The following SLC22A3 variants were observed in gnomAD, a reference collection of about 807,000 sequenced individuals.
SLC22A3 encodes the protein solute carrier family 22 member 3.
SLC22A3 carries 51 observed loss-of-function variants against 59.1 expected under a neutral mutation model. The observed-to-expected ratio is 0.86, with a 90% CI of 0.69 to 1.09. The LOEUF (loss-of-function observed/expected upper bound fraction) is 1.09. SLC22A3 is among the 50% of genes least tolerant of loss of function. The pLI is 0.00. For synonymous variants in SLC22A3, 325 were observed against 292.0 expected (o/e 1.11, Z -1.15); for missense variants, 711 against 726.3 (o/e 0.98, Z 0.24).
intron 1 of SLC22A3, among the ~76,000 whole-genome samples, chr6:160,368,379 G>T (rs1055120345): frequency 1.1e-4 from 16 of 151,992 alleles, no homozygotes; most frequent in African/African-American, 3.9e-4. Context: ...GGCTTCTCAG[G>T]TGATTTCCAC....
At chr6:160,396,878 T>C (rs905270177) in intron 1 of SLC22A3, among the ~76,000 whole-genome samples, 1 of 152,180 alleles carries the variant, frequency 6.6e-6, no homozygotes, top group Non-Finnish European at 1.5e-5. Flanking sequence ...ATGTAACTTA[T>C]TGTACATAGA....
intron 5 of SLC22A3, among the ~76,000 whole-genome samples, chr6:160,423,785 G>A (rs1021398980): frequency 4.0e-4 from 61 of 152,266 alleles, no homozygotes; most frequent in African/African-American, 1.4e-3. Flanking sequence ...TGTTCACTCT[G>A]ATTGTAGTTT....
chr6:160,404,084 CAAGTA>C (rs1297817168), intron 2 of SLC22A3, among the ~76,000 whole-genome samples: 1 of 151,258 alleles, frequency 6.6e-6, no homozygotes, highest in Non-Finnish European at 1.5e-5. Flanking sequence ...ATAAATAAGA[CAAGTA>C]AAGAAAATAA....
intron 1 of SLC22A3, among the ~76,000 whole-genome samples, chr6:160,370,697 C>T (rs556348241): frequency 6.6e-6 from 1 of 152,280 alleles, no homozygotes; most frequent in South Asian, 2.1e-4. Context: ...TCAGTCCAGG[C>T]TTCCTAAAAA....
intron 1 of SLC22A3, among the ~76,000 whole-genome samples, chr6:160,367,233 A>G (rs1026599432): frequency 1.3e-4 from 20 of 152,126 alleles, no homozygotes; most frequent in African/African-American, 3.9e-4. Context: ...CCTTCATCAC[A>G]TGGTGGCAGC....
At chr6:160,355,011 C>T (rs1011257644) in intron 1 of SLC22A3, among the ~76,000 whole-genome samples, 5 of 152,184 alleles carry the variant, frequency 3.3e-5, no homozygotes, top group Admixed American at 1.3e-4. Context: ...AACTCTTACA[C>T]GGAAGGATAT....
intron 1 of SLC22A3, among the ~76,000 whole-genome samples, chr6:160,375,854 G>A (rs1474539312): frequency 2.0e-5 from 3 of 152,034 alleles, no homozygotes; most frequent in Admixed American, 6.6e-5. Flanking sequence ...TATGGACCCA[G>A]GAGTCAGAGG....
chr6:160,447,696 A>G (rs1161292652), intron 9 of SLC22A3, 23 bp from the exon 10 acceptor site: 2 of 1,604,982 alleles, frequency 1.2e-6, no homozygotes, highest in African/African-American at 2.7e-5. Context: ...CTGGAGCGGT[A>G]ACACCTTTCC....
intron 1 of SLC22A3, among the ~76,000 whole-genome samples, chr6:160,355,499 C>T (rs938184783): frequency 5.3e-5 from 8 of 152,022 alleles, no homozygotes; most frequent in South Asian, 2.1e-4. Flanking sequence ...CGGTGGCTCA[C>T]ACCTGTAATC....
chr6:160,384,900 GCTC>G (rs1298777684), intron 1 of SLC22A3, among the ~76,000 whole-genome samples: 1 of 152,140 alleles, frequency 6.6e-6, no homozygotes, highest in Non-Finnish European at 1.5e-5. Context: ...CTTTCTCTGG[GCTC>G]CTCTTCTTGT....
intron 1 of SLC22A3, among the ~76,000 whole-genome samples, chr6:160,388,513 CTG>C (rs1786114453): frequency 6.6e-6 from 1 of 152,164 alleles, no homozygotes; most frequent in Non-Finnish European, 1.5e-5. Flanking sequence ...TTTGAGAACA[CTG>C]TGTTAAGTCA....
chr6:160,421,646 C>T (rs946759419), intron 5 of SLC22A3, among the ~76,000 whole-genome samples: 4 of 152,218 alleles, frequency 2.6e-5, no homozygotes, highest in Non-Finnish European at 5.9e-5. Context: ...TCATCAGCCA[C>T]ACGGGCTTGT....
chr6:160,448,988 A>C (rs925955695), intron 10 of SLC22A3, among the ~76,000 whole-genome samples: 2 of 152,152 alleles, frequency 1.3e-5, no homozygotes, highest in Non-Finnish European at 2.9e-5. Flanking sequence ...AAATATTTTT[A>C]ATATATAAAA....
chr6:160,450,973 G>T (rs1316126149), intron 10 of SLC22A3, 23 bp from the exon 11 acceptor site: 1 of 1,573,844 alleles, frequency 6.4e-7, no homozygotes, highest in Non-Finnish European at 8.7e-7. Context: ...CTTTCCTAAA[G>T]ACTTTCTCCT....
chr6:160,400,084 ATTT>A (rs760874011), intron 2 of SLC22A3, among the ~76,000 whole-genome samples: 24,228 of 95,218 alleles, frequency 0.25, 2,439 homozygotes, highest in East Asian at 0.38. Context: ...AGCTTTTGTG[ATTT>A]TTTTTTTTTT....
intron 5 of SLC22A3, among the ~76,000 whole-genome samples, chr6:160,414,857 G>A (rs1357561475): frequency 6.6e-6 from 1 of 152,182 alleles, no homozygotes; most frequent in African/African-American, 2.4e-5. Context: ...TGGGGACACA[G>A]CCAAACCATG....
At chr6:160,392,083 C>T (rs1436076389) in intron 1 of SLC22A3, among the ~76,000 whole-genome samples, 1 of 152,116 alleles carries the variant, frequency 6.6e-6, no homozygotes, top group East Asian at 1.9e-4. Flanking sequence ...TTGCAGATCC[C>T]CTGGTTTCCT....
intron 8 of SLC22A3, 111 bp downstream of exon 8, chr6:160,442,980 C>T: frequency 1.2e-6 from 1 of 819,636 alleles, no homozygotes; most frequent in East Asian, 2.6e-5. Flanking sequence ...GATATATTAG[C>T]CTAGGCTGAA....
At chr6:160,432,661 C>T (rs1381684077) in intron 5 of SLC22A3, among the ~76,000 whole-genome samples, 3 of 152,212 alleles carry the variant, frequency 2.0e-5, no homozygotes, top group East Asian at 3.9e-4. Flanking sequence ...CTCCTGACCT[C>T]GTGATCCGCC....
Sources: allele counts gnomAD v4.1 joint callset (sites outside exome capture counted in the v4.1 genomes callset), GRCh38; gene constraint gnomAD v4.1.1; transcripts MANE v1.5; gene names NCBI Gene and HGNC (gene_info 2026-07-23, HGNC 2026-07-21).